Variants in CD86 observed in about 807,000 individuals in gnomAD.
CD86 encodes the protein CD86 molecule.
A neutral mutation model predicts 32.1 loss-of-function variants in CD86; 11 were observed. That is an observed-to-expected ratio of 0.34 (90% CI 0.22 to 0.57). The LOEUF (loss-of-function observed/expected upper bound fraction) is 0.57, where lower values mean the gene tolerates loss of function less well. Among genes scored for constraint, CD86 ranks in the 20% least tolerant of loss-of-function variants. CD86 has a pLI of 0.86. For synonymous variants in CD86, 137 were observed against 135.3 expected (o/e 1.01, Z -0.09); for missense variants, 359 against 398.4 (o/e 0.90, Z 0.84).
At chr3:122,079,540 C>T (rs888758381) in intron 1 of CD86, among the ~76,000 whole-genome samples, 4 of 152,190 alleles carry the variant, frequency 2.6e-5, no homozygotes, top group African/African-American at 9.7e-5. Context: ...TTCCACAGTC[C>T]ATTCTAGTGC....
At chr3:122,114,214 G>A (rs901446185) in intron 5 of CD86, among the ~76,000 whole-genome samples, 1 of 151,916 alleles carries the variant, frequency 6.6e-6, no homozygotes, top group Non-Finnish European at 1.5e-5. Flanking sequence ...TCACACCACT[G>A]CACTCCAGCC....
intron 2 of CD86, among the ~76,000 whole-genome samples, chr3:122,102,897 G>A (rs933406708): frequency 3.1e-4 from 42 of 136,910 alleles, no homozygotes; most frequent in Admixed American, 2.2e-3. Context: ...GGGAGCAGCA[G>A]TCATAGGGGA....
chr3:122,098,325 C>A (rs2072941421), intron 2 of CD86, among the ~76,000 whole-genome samples: 1 of 152,124 alleles, frequency 6.6e-6, no homozygotes, highest in Non-Finnish European at 1.5e-5. Flanking sequence ...GAAGGAGAAG[C>A]TATGAGACTG....
rs2073327633 is a variant in CD86 at position 122,120,500 on chromosome 3, G to T, written c.*966G>T. 1 of 152,262 alleles carries T rather than the reference G, an allele frequency of 6.6e-6. No individual in the cohort carries two copies. Among genetic ancestry groups the T allele is most frequent in the Non-Finnish European group, 1.5e-5 (1 of 68,062 alleles). The allele number at this position is 152,262 out of a possible 1,614,324, so 9.4% of individuals were successfully genotyped here. ...TCTTGAAACAAGCAACAGATGGATAGTCTGTCCAAATGGACATAAGACAGA... is the reference window on the plus strand; with the variant it reads ...TCTTGAAACAAGCAACAGATGGATATTCTGTCCAAATGGACATAAGACAGA... On this transcript the variant is annotated 3_prime_UTR_variant, in exon 7 of 7. Transcript: ENST00000330540.
chr3:122,114,165 C>T (rs925113582), intron 5 of CD86, among the ~76,000 whole-genome samples: 3 of 151,940 alleles, frequency 2.0e-5, no homozygotes, highest in South Asian at 2.1e-4. Flanking sequence ...AGAGGAGAAT[C>T]GCTTGAACCT....
At position 122,120,001 on chromosome 3, in the gene CD86, T is replaced by G. The variant is rs542176649; in HGVS notation, c.*467T>G. Reference sequence around the variant, plus strand: ...CTCAGTCTGGGTGGGACTTATGTATTTATGACCTTATAGTGTTAATATCTT... The same window carrying G: ...CTCAGTCTGGGTGGGACTTATGTATGTATGACCTTATAGTGTTAATATCTT... On this transcript the variant is annotated 3_prime_UTR_variant, in exon 7 of 7. Coordinates refer to ENST00000330540, the MANE Select transcript of CD86 (RefSeq NM_175862.5). The G allele has an allele frequency of 3.6e-5, 6 of 168,608 alleles. No individual in the cohort carries two copies. Among genetic ancestry groups the G allele is most frequent in the East Asian group, 1.8e-4 (1 of 5,512 alleles). 10.4% of individuals were successfully genotyped at this position (168,608 alleles called of 1,614,324 possible). A position where few individuals can be genotyped will look rare whatever the true frequency, so the allele number is the denominator to read the frequency against.
intron 1 of CD86, among the ~76,000 whole-genome samples, chr3:122,082,538 G>A (rs2072649181): frequency 6.6e-6 from 1 of 152,332 alleles, no homozygotes; most frequent in South Asian, 2.1e-4. Context: ...AAGCGATGTG[G>A]TCTGATTAGC....
At chr3:122,095,087 AG>A (rs1021591369) in intron 2 of CD86, among the ~76,000 whole-genome samples, 69 of 151,822 alleles carry the variant, frequency 4.5e-4, no homozygotes, top group African/African-American at 1.2e-3. Flanking sequence ...TCTGGGTCCT[AG>A]GGCTTTCTCA....
chr3:122,083,539 C>T (rs570002595), intron 1 of CD86, among the ~76,000 whole-genome samples: 1 of 152,324 alleles, frequency 6.6e-6, no homozygotes, highest in African/African-American at 2.4e-5. Flanking sequence ...TACAAACTGT[C>T]TCCAAACTTA....
chr3:122,085,441 C>T (rs2072701006), intron 1 of CD86, among the ~76,000 whole-genome samples: 2 of 152,170 alleles, frequency 1.3e-5, no homozygotes, highest in African/African-American at 4.8e-5. Context: ...GCTCGAATAC[C>T]CACTGTGTGC....
At chr3:122,069,221 C>T (rs1354054219) in intron 1 of CD86, among the ~76,000 whole-genome samples, 1 of 151,774 alleles carries the variant, frequency 6.6e-6, no homozygotes, top group Non-Finnish European at 1.5e-5. Context: ...ATCTCAAGAC[C>T]AGTCCAAGGC....
At chr3:122,059,157 CA>C (rs1210111965) in intron 1 of CD86, among the ~76,000 whole-genome samples, 1 of 151,826 alleles carries the variant, frequency 6.6e-6, no homozygotes, top group Admixed American at 6.6e-5. Flanking sequence ...GGTGCAAGTT[CA>C]AAAAAGAGGG....
intron 5 of CD86, among the ~76,000 whole-genome samples, chr3:122,115,326 A>G (rs2073233227): frequency 6.6e-6 from 1 of 152,210 alleles, no homozygotes; most frequent in Non-Finnish European, 1.5e-5. Context: ...TATATACTGA[A>G]AACTATACAA....
At chr3:122,094,664 G>A (rs1480534394) in intron 2 of CD86, among the ~76,000 whole-genome samples, 1 of 152,182 alleles carries the variant, frequency 6.6e-6, no homozygotes, top group African/African-American at 2.4e-5. Flanking sequence ...AAAATGTAGA[G>A]CTGAATAATT....
intron 1 of CD86, among the ~76,000 whole-genome samples, chr3:122,079,741 T>C (rs1315424594): frequency 6.6e-6 from 1 of 152,140 alleles, no homozygotes; most frequent in Non-Finnish European, 1.5e-5. Flanking sequence ...CCATTTTGAA[T>C]ATGTGTGGAG....
chr3:122,064,574 C>T (rs1576757412), intron 1 of CD86, among the ~76,000 whole-genome samples: 2 of 152,254 alleles, frequency 1.3e-5, no homozygotes, highest in South Asian at 2.1e-4. Context: ...TCAAGAAGTG[C>T]TTCTGGTCAC....
intron 1 of CD86, among the ~76,000 whole-genome samples, chr3:122,059,448 A>AT (rs2072291861): frequency 6.6e-6 from 1 of 151,942 alleles, no homozygotes; most frequent in Non-Finnish European, 1.5e-5. Flanking sequence ...AGGCACGAGA[A>AT]TAGCTTGAAC....
intron 1 of CD86, among the ~76,000 whole-genome samples, chr3:122,089,962 G>T (rs1278360498): frequency 1.3e-5 from 2 of 152,106 alleles, no homozygotes; most frequent in Admixed American, 6.5e-5. Context: ...AAAATAAAAA[G>T]AAAACAGAAT....
rs1345064039 is a variant in CD86 at position 122,106,452 on chromosome 3, A to G, written c.655A>G (p.Ile219Val). 6.2e-7 allele frequency: 1 copy of G among 1,613,206 alleles called. No individual in the cohort carries two copies. The highest frequency in any genetic ancestry group is 1.1e-5 in the South Asian group (1 of 90,876). Residue 219 changes from isoleucine (I) to valine (V), a missense_variant, in exon 4 of 7, where the codon ATT becomes GTT. Transcript: ENST00000330540. The stretch of plus-strand genomic sequence containing the variant: ...TACGAGCAATATGACCATCTTCTGT[A>G]TTCTGGAAACTGACAAGACGCGGCT... ...DVTSNMTIFCILETDKTRLLS... is the reference protein window; with the variant it reads ...DVTSNMTIFCVLETDKTRLLS...
Sources: gnomAD v4.1 joint callset for allele counts (sites outside exome capture counted in the v4.1 genomes callset) on GRCh38, gnomAD v4.1.1 for gene constraint, MANE v1.5 for transcripts, NCBI Gene and HGNC (gene_info 2026-07-23, HGNC 2026-07-21) for gene names.